CDK14: variants seen among roughly 807,000 people sequenced by gnomAD.
CDK14 encodes the protein cyclin dependent kinase 14.
CDK14 carries 34 observed loss-of-function variants against 60.7 expected under a neutral mutation model. That is an observed-to-expected ratio of 0.56 (90% CI 0.43 to 0.75). The LOEUF is 0.75. Ranked by LOEUF, CDK14 falls within the 30% of genes least tolerant of loss-of-function variation. The pLI, the probability that CDK14 is intolerant of heterozygous loss-of-function variation, is 0.00. For missense variants in CDK14, 482 were observed against 564.1 expected (o/e 0.85, Z 1.47); for synonymous variants, 197 against 203.7 (o/e 0.97, Z 0.28).
intron 8 of CDK14, among the ~76,000 whole-genome samples, chr7:90,944,271 A>G (rs1290506847): frequency 6.6e-6 from 1 of 152,218 alleles, no homozygotes; most frequent in Non-Finnish European, 1.5e-5. Flanking sequence ...ATGGACTAAG[A>G]CAGGTCCATC....
chr7:90,804,008 A>G (rs1205120526), intron 5 of CDK14, among the ~76,000 whole-genome samples: 1 of 152,216 alleles, frequency 6.6e-6, no homozygotes. Flanking sequence ...GACTGAGTGA[A>G]TGAATGAATA....
chr7:90,882,033 T>C (rs1791772876), intron 6 of CDK14, among the ~76,000 whole-genome samples: 1 of 151,902 alleles, frequency 6.6e-6, no homozygotes, highest in African/African-American at 2.4e-5. Context: ...CATCAACTAG[T>C]GTGCAAAATA....
chr7:90,894,047 A>G lies in CDK14; in HGVS notation c.640-5244A>G, dbSNP rs182176095. 2.4e-3 allele frequency among the ~76,000 whole-genome samples: 358 copies of G among 152,200 alleles called. 1 individual carries two copies. Among genetic ancestry groups the G allele is most frequent in the Admixed American group, 5.0e-3 (76 of 15,294 alleles). ...ATGTATCATTCCTGTTTTTATTTCA[A>G]TCTCTTCCAACAATTCTTCCCTAAT... is the stretch of plus-strand genomic sequence containing the variant. On this transcript the variant is annotated intron_variant, in intron 6 of 14. Coordinates refer to ENST00000380050, the MANE Select transcript of CDK14 (RefSeq NM_001287135.2).
chr7:91,148,772 T>G (rs1800735108), intron 14 of CDK14, among the ~76,000 whole-genome samples: 1 of 152,226 alleles, frequency 6.6e-6, no homozygotes, highest in Non-Finnish European at 1.5e-5. Flanking sequence ...GTATTATTTT[T>G]TTTTCATTTC....
intron 5 of CDK14, among the ~76,000 whole-genome samples, chr7:90,840,568 C>G (rs1196455926): frequency 1.3e-5 from 2 of 152,136 alleles, no homozygotes; most frequent in Admixed American, 6.6e-5. Flanking sequence ...CCATCCCTTC[C>G]TTTGCTAGGG....
At position 90,980,710 on chromosome 7, in the gene CDK14, G is replaced by A. The variant is rs528879318; in HGVS notation, c.948-3438G>A. ...CTCAGCTTCTTTAGTACATCCTCGA[G>A]CATGTTTGAAAAAGATGACGTCATA... On this transcript the variant is annotated intron_variant, in intron 9 of 14. Coordinates refer to ENST00000380050, the MANE Select transcript of CDK14 (RefSeq NM_001287135.2). Among the ~76,000 whole-genome samples the A allele has an allele frequency of 2.0e-5, 3 of 152,134 alleles. No individual in the cohort carries two copies. The East Asian group carries it at 5.8e-4, about 29-fold the overall frequency.
intron 9 of CDK14, among the ~76,000 whole-genome samples, chr7:90,964,928 T>C (rs1424433246): frequency 1.3e-5 from 2 of 152,254 alleles, no homozygotes; most frequent in Non-Finnish European, 2.9e-5. Flanking sequence ...TGATTCTTAT[T>C]AGTTGTCTTT....
intron 2 of CDK14, among the ~76,000 whole-genome samples, chr7:90,630,246 GT>G (rs1184803895): frequency 6.6e-6 from 1 of 152,088 alleles, no homozygotes; most frequent in Admixed American, 6.6e-5. Context: ...CAGCTTTTTT[GT>G]TGTACAGACA....
chr7:90,777,054 T>G (rs961030091), intron 4 of CDK14, among the ~76,000 whole-genome samples: 2 of 152,094 alleles, frequency 1.3e-5, no homozygotes, highest in Non-Finnish European at 2.9e-5. Flanking sequence ...TAACCTTAAT[T>G]CCTTGTTTGG....
chr7:91,025,233 C>T (rs1321090837), intron 10 of CDK14, among the ~76,000 whole-genome samples: 1 of 152,112 alleles, frequency 6.6e-6, no homozygotes, highest in African/African-American at 2.4e-5. Flanking sequence ...TTGCTTTGCA[C>T]TATACTGCGG....
At position 91,145,249 on chromosome 7, in the gene CDK14, C is replaced by T. The variant is rs186742812; in HGVS notation, c.*28+27041C>T. ...CTGTTCCGATTGAGCAATCTCACTGCGATCCATATAGTGCCTTATTTCTTT... is the reference window on the plus strand; with the variant it reads ...CTGTTCCGATTGAGCAATCTCACTGTGATCCATATAGTGCCTTATTTCTTT... On this transcript the variant is annotated intron_variant, in intron 14 of 14. Coordinates refer to ENST00000380050, the MANE Select transcript of CDK14 (RefSeq NM_001287135.2). Among the ~76,000 whole-genome samples, 218 of 152,220 alleles carry T rather than the reference C, an allele frequency of 1.4e-3. 3 individuals carry two copies. Among genetic ancestry groups the T allele is most frequent in the African/African-American group, 4.0e-3 (167 of 41,534 alleles).
intron 4 of CDK14, among the ~76,000 whole-genome samples, chr7:90,762,517 A>G (rs1442805114): frequency 6.6e-6 from 1 of 152,340 alleles, no homozygotes; most frequent in Non-Finnish European, 1.5e-5. Flanking sequence ...CAGACATATC[A>G]AAATCACTTA....
chr7:90,678,423 CA>C (rs201214595), intron 2 of CDK14, among the ~76,000 whole-genome samples: 2,099 of 152,244 alleles, frequency 0.014, 11 homozygotes, highest in Non-Finnish European at 0.022. Context: ...AAAAAATTAC[CA>C]CCTGTATTAT....
intron 5 of CDK14, among the ~76,000 whole-genome samples, chr7:90,801,517 G>A (rs946980853): frequency 2.0e-5 from 3 of 152,160 alleles, no homozygotes; most frequent in African/African-American, 7.2e-5. Context: ...ATTGGAAGCA[G>A]GAAGAACTGA....
chr7:90,707,488 T>C (rs1801924603), intron 2 of CDK14, among the ~76,000 whole-genome samples: 2 of 152,140 alleles, frequency 1.3e-5, no homozygotes, highest in South Asian at 4.2e-4. Flanking sequence ...ACCATTACCC[T>C]GTCGTAAGAT....
At chr7:90,711,971 G>A (rs944532507) in intron 2 of CDK14, among the ~76,000 whole-genome samples, 2 of 148,294 alleles carry the variant, frequency 1.3e-5, no homozygotes, top group Non-Finnish European at 3.0e-5. Flanking sequence ...TGACCCTCCT[G>A]CTTTGGCCTT....
intron 10 of CDK14, among the ~76,000 whole-genome samples, chr7:91,044,600 G>GGTTAACTTGA (rs1437220045): frequency 6.6e-6 from 1 of 152,126 alleles, no homozygotes; most frequent in Non-Finnish European, 1.5e-5. Flanking sequence ...TGGTTTTTCA[G>GGTTAACTTGA]GTTAACTTGA....
intron 5 of CDK14, among the ~76,000 whole-genome samples, chr7:90,860,026 C>G (rs557762147): frequency 4.1e-4 from 62 of 151,998 alleles, no homozygotes; most frequent in African/African-American, 1.4e-3. Context: ...AAAGAGGAAA[C>G]TTCTGTGTTT....
At chr7:91,031,825 G>A (rs1199871599) in intron 10 of CDK14, among the ~76,000 whole-genome samples, 1 of 152,314 alleles carries the variant, frequency 6.6e-6, no homozygotes, top group Admixed American at 6.5e-5. Context: ...ATATGGGAAT[G>A]TCGCTCCTTG....
Sources: gnomAD v4.1 joint callset for allele counts (sites outside exome capture counted in the v4.1 genomes callset) on GRCh38, gnomAD v4.1.1 for gene constraint, MANE v1.5 for transcripts, NCBI Gene and HGNC (gene_info 2026-07-23, HGNC 2026-07-21) for gene names.